BCAS3: variants seen among roughly 807,000 people sequenced by gnomAD.
BCAS3 encodes the protein BCAS4/BCAS3 fusion.
BCAS3 carries 53 observed loss-of-function variants against 116.1 expected under a neutral mutation model. That is an observed-to-expected ratio of 0.46 (90% confidence interval 0.37 to 0.57). The LOEUF (loss-of-function observed/expected upper bound fraction) is 0.57. Ranked by LOEUF, BCAS3 falls within the 20% of genes least tolerant of loss-of-function variation. BCAS3 has a pLI of 0.00. For missense variants in BCAS3, 917 were observed against 1,165.4 expected (o/e 0.79, Z 3.10); for synonymous variants, 391 against 408.2 (o/e 0.96, Z 0.51).
rs375387192 is a variant in BCAS3, at chr17:61,229,670, G to C, written c.2426-138657G>C. On this transcript the variant is annotated intron_variant, in intron 22 of 23. Coordinates refer to ENST00000407086, the MANE Select transcript of BCAS3 (RefSeq NM_017679.5). The surrounding 1 kb of genome is among the most constrained non-coding windows in gnomAD (Gnocchi z 4.4). ...TTCCTTCCAGGCAGCCTCAGTCCACGTTCATGAGCCACATTCTTGTGCTTC... is the reference window on the plus strand; with the variant it reads ...TTCCTTCCAGGCAGCCTCAGTCCACCTTCATGAGCCACATTCTTGTGCTTC... Among the ~76,000 whole-genome samples, 1 of 152,126 alleles carries C rather than the reference G, an allele frequency of 6.6e-6. No individual in the cohort carries two copies. The highest frequency in any genetic ancestry group is 1.5e-5 in the Non-Finnish European group (1 of 68,022).
intron 4 of BCAS3, among the ~76,000 whole-genome samples, chr17:60,697,231 G>A (rs1045111460): frequency 6.6e-6 from 1 of 150,630 alleles, no homozygotes; most frequent in East Asian, 2.0e-4. Context: ...AGGAGGGAAG[G>A]GAGGAAGGAA....
At chr17:60,949,039 G>A (rs1213151880) in intron 14 of BCAS3, among the ~76,000 whole-genome samples, 1 of 151,904 alleles carries the variant, frequency 6.6e-6, no homozygotes, top group African/African-American at 2.4e-5. Flanking sequence ...ACCACGCCTG[G>A]CTAATTTTTG....
At chr17:61,079,581 A>C (rs548513675) in intron 21 of BCAS3, among the ~76,000 whole-genome samples, 15 of 151,698 alleles carry the variant, frequency 9.9e-5, no homozygotes, top group Non-Finnish European at 1.9e-4. Context: ...TGTCATCTCT[A>C]TTTTATTTTA....
rs976602434 is a variant in BCAS3, at chr17:61,144,505, G to T, written c.2425+59941G>T. On this transcript the variant is annotated intron_variant, in intron 22 of 23. Transcript: ENST00000407086. The surrounding 1 kb of genome is among the most constrained non-coding windows in gnomAD (Gnocchi z 5.0). The stretch of plus-strand genomic sequence containing the variant: ...TGCAAAAGTGTTAGACATCCAGTAA[G>T]CAGCCCTTTTTAGGCCTAAAATGTT... 3.3e-5 allele frequency among the ~76,000 whole-genome samples: 5 copies of T among 152,164 alleles called. No homozygotes were observed. The highest frequency in any genetic ancestry group is 1.2e-4 in the African/African-American group (5 of 41,442).
intron 6 of BCAS3, among the ~76,000 whole-genome samples, chr17:60,793,906 T>G (rs574108917): frequency 2.0e-5 from 3 of 152,298 alleles, no homozygotes; most frequent in Admixed American, 2.0e-4. Context: ...ATGACTTCTT[T>G]TCCTCTGGGT....
intron 7 of BCAS3, among the ~76,000 whole-genome samples, chr17:60,822,942 C>G (rs2050085446): frequency 6.6e-6 from 1 of 152,186 alleles, no homozygotes; most frequent in African/African-American, 2.4e-5. Context: ...TCCTTACTCT[C>G]TCAACTTGCA....
chr17:60,848,659 G>A (rs1289481024), intron 7 of BCAS3, among the ~76,000 whole-genome samples: 1 of 151,990 alleles, frequency 6.6e-6, no homozygotes, highest in Non-Finnish European at 1.5e-5. Flanking sequence ...GGAGTTAGCT[G>A]TGGGTTTTTC....
At chr17:61,288,537 G>A (rs1447016891) in intron 22 of BCAS3, among the ~76,000 whole-genome samples, 1 of 152,152 alleles carries the variant, frequency 6.6e-6, no homozygotes, top group African/African-American at 2.4e-5. Context: ...CAAATGTGGT[G>A]CTTTGATCTT....
chr17:60,769,687 G>A (rs2044465117), intron 6 of BCAS3, among the ~76,000 whole-genome samples: 1 of 152,222 alleles, frequency 6.6e-6, no homozygotes, highest in Admixed American at 6.5e-5. Flanking sequence ...TCCTTGGCGT[G>A]TGTGAAGGTG....
At chr17:61,351,318 C>T (rs913676703) in intron 22 of BCAS3, among the ~76,000 whole-genome samples, 1 of 152,168 alleles carries the variant, frequency 6.6e-6, no homozygotes, top group African/African-American at 2.4e-5. Flanking sequence ...TTCCCTTCCT[C>T]AAGAAGCCAA....
In BCAS3 at chr17:60,994,417, C is replaced by T. The variant is rs949086625; in HGVS notation, c.1486+4182C>T. 6.6e-6 allele frequency among the ~76,000 whole-genome samples: 1 copy of T among 152,128 alleles called. No homozygotes were observed. Among genetic ancestry groups the T allele is most frequent in the African/African-American group, 2.4e-5 (1 of 41,434 alleles). Reference sequence around the variant, plus strand: ...CTGGGAAACATTCCTCAGGCTTCCCCAGACTGTCCAAATAGTCTGTGATAC... The same window carrying T: ...CTGGGAAACATTCCTCAGGCTTCCCTAGACTGTCCAAATAGTCTGTGATAC... On this transcript the variant is annotated intron_variant, in intron 15 of 23. Transcript: ENST00000407086. The surrounding 1 kb of genome is among the most constrained non-coding windows in gnomAD (Gnocchi z 4.4).
intron 13 of BCAS3, among the ~76,000 whole-genome samples, chr17:60,946,090 A>G (rs2060479229): frequency 6.6e-6 from 1 of 152,200 alleles, no homozygotes; most frequent in Admixed American, 6.5e-5. Flanking sequence ...ACTGCACTCC[A>G]GCCTGGGAGA....
At chr17:60,740,498 CAAA>C (rs774901641) in intron 5 of BCAS3, among the ~76,000 whole-genome samples, 8 of 58,318 alleles carry the variant, frequency 1.4e-4, no homozygotes, top group African/African-American at 2.2e-4. Flanking sequence ...GACCCTGTCT[CAAA>C]AAAAAAAAAA....
At chr17:60,925,232 T>G (rs962062092) in intron 13 of BCAS3, among the ~76,000 whole-genome samples, 5 of 152,192 alleles carry the variant, frequency 3.3e-5, no homozygotes, top group Non-Finnish European at 2.9e-5. Flanking sequence ...ATAATGTTTT[T>G]GTATTTCTCC....
In BCAS3 at chr17:61,344,312, C is replaced by A. The variant is rs999789552; in HGVS notation, c.2426-24015C>A. ...CCAGTTGCTTCTCTTTTGTCAGAGA[C>A]ATGGGCCTCTTCAACCAAGTCTCTG... On this transcript the variant is annotated intron_variant, in intron 22 of 23. Coordinates refer to ENST00000407086, the MANE Select transcript of BCAS3 (RefSeq NM_017679.5). This position sits in a 1 kb window ranked among gnomAD's most constrained non-coding sequence, Gnocchi z 4.1. Among the ~76,000 whole-genome samples the A allele has an allele frequency of 1.3e-5, 2 of 152,150 alleles. No homozygotes were observed. The highest frequency in any genetic ancestry group is 2.9e-5 in the Non-Finnish European group (2 of 68,034).
chr17:61,031,818 T>G (rs2066661269), intron 16 of BCAS3, among the ~76,000 whole-genome samples: 2 of 152,178 alleles, frequency 1.3e-5, no homozygotes, highest in South Asian at 4.1e-4. Flanking sequence ...AAAGAAATGA[T>G]GAAATATAAA....
intron 22 of BCAS3, among the ~76,000 whole-genome samples, chr17:61,184,748 C>T (rs1220672616): frequency 1.3e-5 from 2 of 152,068 alleles, no homozygotes; most frequent in African/African-American, 4.8e-5. Context: ...AATCATGTTA[C>T]CTCCCTACTT....
rs560873967 is a variant in BCAS3 at position 61,278,748 on chromosome 17, T to C, written c.2426-89579T>C. ...GAACCAGCCAGTATGGTTCCACTTA[T>C]ATGACATGTCCAGAATAGGAAAATC... On this transcript the variant is annotated intron_variant, in intron 22 of 23. Transcript: ENST00000407086. The surrounding 1 kb of genome is among the most constrained non-coding windows in gnomAD (Gnocchi z 5.8). Among the ~76,000 whole-genome samples, 36 of 152,278 alleles carry C rather than the reference T, an allele frequency of 2.4e-4. No homozygotes were observed. The highest frequency in any genetic ancestry group is 8.7e-4 in the African/African-American group (36 of 41,538).
rs2075958606 is a variant in BCAS3 at position 61,124,469 on chromosome 17, A to C, written c.2425+39905A>C. On this transcript the variant is annotated intron_variant, in intron 22 of 23. Coordinates refer to ENST00000407086, the MANE Select transcript of BCAS3 (RefSeq NM_017679.5). The surrounding 1 kb of genome is among the most constrained non-coding windows in gnomAD (Gnocchi z 4.6). ...ACTGTTCTTATTTTTAAGATCGTAG[A>C]GATCCATAGAAGTATTGGCATTCTT... 6.6e-6 allele frequency among the ~76,000 whole-genome samples: 1 copy of C among 152,196 alleles called. No individual in the cohort carries two copies. The highest frequency in any genetic ancestry group is 6.5e-5 in the Admixed American group (1 of 15,276).
Sources: gnomAD v4.1 joint callset for allele counts (sites outside exome capture counted in the v4.1 genomes callset) on GRCh38, gnomAD v4.1.1 for gene constraint, Gnocchi (gnomAD v3.1) non-coding constraint, MANE v1.5 for transcripts, NCBI Gene and HGNC (gene_info 2026-07-23, HGNC 2026-07-21) for gene names.